Variants in KCP observed in about 807,000 individuals in gnomAD.
The protein encoded by KCP is kielin cysteine rich BMP regulator.
KCP carries 194 observed loss-of-function variants against 212.7 expected under a neutral mutation model. The ratio of observed to expected loss-of-function variants is 0.91; its 90% CI spans 0.81 to 1.03. The LOEUF is 1.03. Among genes scored for constraint, KCP ranks in the 50% least tolerant of loss-of-function variants. The pLI, the probability that KCP is intolerant of heterozygous loss-of-function variation, is 0.00. For synonymous variants in KCP, 833 were observed against 865.3 expected, an observed-to-expected ratio of 0.96 and a Z score of 0.65; for missense variants, 2,080 against 2,162.5, an observed-to-expected ratio of 0.96 and a Z score of 0.76.
intron 29 of KCP, among the ~76,000 whole-genome samples, chr7:128,882,838 G>C (rs1360110716): frequency 6.6e-6 from 1 of 152,202 alleles, no homozygotes; most frequent in Non-Finnish European, 1.5e-5. Flanking sequence ...TTCGGAGGCT[G>C]AGGCGGGTGG....
At position 128,881,650 on chromosome 7, in the gene KCP, CA is replaced by C. The variant is rs1793341875; in HGVS notation, c.3399del (p.Ser1135AlafsTer125). 4 of 1,510,756 alleles carry C rather than the reference CA, an allele frequency of 2.6e-6. No individual in the cohort carries two copies. Among genetic ancestry groups the C allele is most frequent in the East Asian group, 2.5e-5 (1 of 40,264 alleles). 93.6% of individuals were successfully genotyped at this position (1,510,756 alleles called of 1,614,324 possible). A position where few individuals can be genotyped will look rare whatever the true frequency, so the allele number is the denominator to read the frequency against. On this transcript the variant is annotated frameshift_variant, in exon 31 of 40. Transcript: ENST00000610776. LOFTEE classifies it high-confidence loss of function. ...CCCCGGCATACGGGGCAGCAGCTCCCAGGGGGAGTGTGGCGCTCTGAGAGGG... is the reference window on the plus strand; with the variant it reads ...CCCCGGCATACGGGGCAGCAGCTCCCGGGGGAGTGTGGCGCTCTGAGAGGG... ...SCPLSERHTP[P>X]GSCCPVCREC...
intron 9 of KCP, 33 bp downstream of exon 9, chr7:128,894,167 A>G (rs1486758728): frequency 6.6e-7 from 1 of 1,510,702 alleles, no homozygotes; most frequent in Middle Eastern, 2.0e-4. Context: ...GTTGCCCACC[A>G]TGGTCAGGCC....
In KCP at chr7:128,891,717, T is replaced by TGGCA; in HGVS notation, c.1720_1723dup (p.Gln575LeufsTer45). 6.9e-7 allele frequency: 1 copy of TGGCA among 1,446,046 alleles called. No individual in the cohort carries two copies. The highest frequency in any genetic ancestry group is 9.1e-7 in the Non-Finnish European group (1 of 1,097,556). 89.6% of individuals were successfully genotyped at this position (1,446,046 alleles called of 1,614,324 possible). On this transcript the variant is annotated frameshift_variant, in exon 17 of 40. Transcript: ENST00000610776. LOFTEE classifies it high-confidence loss of function. Reference sequence around the variant, plus strand: ...GGGGGCCCTGGGGCAGGGGCGAGGCTGGCAGTGGGCATGGCCTTCCTGGCA... The same window carrying TGGCA: ...GGGGGCCCTGGGGCAGGGGCGAGGCTGGCAGGCAGTGGGCATGGCCTTCCTGGCA...
intron 31 of KCP, among the ~76,000 whole-genome samples, chr7:128,881,340 C>T (rs1793321560): frequency 6.6e-6 from 1 of 152,228 alleles, no homozygotes; most frequent in African/African-American, 2.4e-5. Context: ...GCTGCCCGCT[C>T]AGCAGTGCAA....
rs1237078503 is a variant in KCP at position 128,881,037 on chromosome 7, C to T, written c.3473G>A (p.Trp1158Ter). 3 of 398,798 alleles carry T rather than the reference C, an allele frequency of 7.5e-6. No individual in the cohort carries two copies. Among genetic ancestry groups the T allele is most frequent in the Non-Finnish European group, 1.3e-5 (3 of 226,288 alleles). The allele number at this position is 398,798 out of a possible 1,614,324, so 24.7% of individuals were successfully genotyped here. The change falls in exon 32 of 40, where the codon TGG becomes TAG. Residue 1158 changes from tryptophan (W) to a stop codon, truncating the protein, a stop_gained. Transcript: ENST00000610776. LOFTEE classifies it high-confidence loss of function. ...EGRRVADGES[W>*]RDPSNACIAC... ...GATGCACGCATTGCTGGGGTCCCGC[C>T]AGCTCTCTCCATCTGCCACTCTCCG...
At chr7:128,877,915 G>A in intron 38 of KCP, 125 bp from the exon 39 acceptor site, 1 of 818,496 alleles carries the variant, frequency 1.2e-6, no homozygotes, top group Non-Finnish European at 1.9e-6. Context: ...TAAAAGAACA[G>A]CAAATGAAGT....
At chr7:128,884,144 G>T in intron 28 of KCP, 22 bp from the exon 29 acceptor site, 1 of 1,536,812 alleles carries the variant, frequency 6.5e-7, no homozygotes. Flanking sequence ...AGTGAGCAGC[G>T]GTGGGTCCTG....
At position 128,891,519 on chromosome 7, in the gene KCP, C is replaced by T. The variant is rs773872369; in HGVS notation, c.1810G>A (p.Gly604Arg). The T allele has an allele frequency of 1.3e-6, 2 of 1,549,646 alleles. No individual in the cohort carries two copies. The highest frequency in any genetic ancestry group is 2.0e-5 in the Admixed American group (1 of 50,964). The stretch of plus-strand genomic sequence containing the variant: ...TCCGCTCCGCTGGGGTACTCTTTCC[C>T]GCCAAAGGCACAGCCTGGGGGAGGG... ...PNDCSGCAFG[G>R]KEYPSGADFP... The change falls in exon 18 of 40, where the codon GGG becomes AGG. Residue 604 changes from glycine to arginine, a missense_variant. Coordinates refer to ENST00000610776, the MANE Select transcript of KCP (RefSeq NM_001366122.1).
chr7:128,885,037 G>A, intron 27 of KCP, 60 bp downstream of exon 27: 1 of 1,543,682 alleles, frequency 6.5e-7, no homozygotes, highest in Non-Finnish European at 8.8e-7. Flanking sequence ...GCAGCGGCAG[G>A]GAGGTGTGGG....
chr7:128,904,783 C>T (rs577103360), intron 5 of KCP, among the ~76,000 whole-genome samples: 51 of 152,342 alleles, frequency 3.3e-4, no homozygotes, highest in African/African-American at 1.2e-3. Flanking sequence ...GCACCATTCA[C>T]GTGACAGACA....
chr7:128,887,583 CCACACATA>C (rs1793740836), intron 22 of KCP, among the ~76,000 whole-genome samples: 2 of 148,984 alleles, frequency 1.3e-5, no homozygotes, highest in African/African-American at 5.1e-5. Context: ...CCCTCCCCCT[CCACACATA>C]CACACACAGC....
At chr7:128,907,730 A>G (rs554512295) in intron 2 of KCP, among the ~76,000 whole-genome samples, 1 of 152,362 alleles carries the variant, frequency 6.6e-6, no homozygotes, top group South Asian at 2.1e-4. Flanking sequence ...TGCCTTATAT[A>G]GAATGCATTC....
At chr7:128,904,016 G>A in intron 6 of KCP, 40 bp downstream of exon 6, 1 of 1,519,522 alleles carries the variant, frequency 6.6e-7, no homozygotes, top group Non-Finnish European at 8.9e-7. Flanking sequence ...AGGTGTCCAG[G>A]GAGGTGCAGG....
intron 38 of KCP, 115 bp from the exon 39 acceptor site, chr7:128,877,905 T>C: frequency 1.1e-6 from 1 of 900,672 alleles, no homozygotes; most frequent in Non-Finnish European, 1.7e-6. Flanking sequence ...AAAACCTCCC[T>C]AAAAGAACAG....
chr7:128,894,459 T>C (rs1794398230), intron 8 of KCP, among the ~76,000 whole-genome samples, 166 bp from the exon 9 acceptor site: 2 of 152,222 alleles, frequency 1.3e-5, no homozygotes, highest in Non-Finnish European at 2.9e-5. Flanking sequence ...CACCTCAGCC[T>C]GTTACACTAT....
In KCP at chr7:128,879,564, C is replaced by A. The variant is rs1419285381; in HGVS notation, c.4104G>T (p.Leu1368=). Residue 1368 remains leucine, a synonymous_variant, in exon 37 of 40, where the codon CTG becomes CTT. Transcript: ENST00000610776. ...CGTGCAGGATCACAGTGTGTCCTCG[C>A]AGCTCCACATACAGCAGCGGCTCCT... is the stretch of plus-strand genomic sequence containing the variant. ...FLQEPLLYVE[L]RGHTVILHAQ... is the part of the protein sequence containing the mutation. The A allele has an allele frequency of 3.9e-6, 6 of 1,550,490 alleles. No individual in the cohort carries two copies. The highest frequency in any genetic ancestry group is 3.5e-6 in the Non-Finnish European group (4 of 1,146,972).
In KCP at chr7:128,908,543, A is replaced by G; in HGVS notation, c.102T>C (p.Pro34=). The change falls in exon 2 of 40, where the codon CCT becomes CCC. Residue 34 remains proline, a synonymous_variant. Transcript: ENST00000610776. ...AEGGAVPREP[P]GQQTTAHSSV... is the part of the protein sequence containing the mutation. The stretch of plus-strand genomic sequence containing the variant: ...AGGAATGGGCAGTTGTCTGCTGCCC[A>G]GGGGGCTCCCTGGGGACAGCCCCAC... The G allele has an allele frequency of 6.4e-7, 1 of 1,551,386 alleles. No homozygotes were observed. Among genetic ancestry groups the G allele is most frequent in the South Asian group, 1.2e-5 (1 of 84,040 alleles).
At chr7:128,899,553 T>A (rs1794717557) in intron 8 of KCP, among the ~76,000 whole-genome samples, 1 of 152,220 alleles carries the variant, frequency 6.6e-6, no homozygotes, top group African/African-American at 2.4e-5. Flanking sequence ...CTCAAAACAT[T>A]GCTGATCCTT....
chr7:128,904,970 C>A (rs902662496), intron 5 of KCP, among the ~76,000 whole-genome samples: 1 of 146,730 alleles, frequency 6.8e-6, no homozygotes, highest in Non-Finnish European at 1.5e-5. Context: ...CCTGAGGCAC[C>A]ACGTGCCCTG....
Sources: allele counts gnomAD v4.1 joint callset (sites outside exome capture counted in the v4.1 genomes callset), GRCh38; gene constraint gnomAD v4.1.1; transcripts MANE v1.5; gene names NCBI Gene and HGNC (gene_info 2026-07-23, HGNC 2026-07-21).